Variants in ARID4B observed in about 807,000 individuals in gnomAD.
The protein encoded by ARID4B is AT-rich interactive domain-containing protein 4B.
Under a neutral mutation model 147.5 loss-of-function variants are expected in ARID4B, and 26 were observed. The ratio of observed to expected loss-of-function variants is 0.18; its 90% confidence interval spans 0.13 to 0.24. The LOEUF (loss-of-function observed/expected upper bound fraction) is 0.24, where lower values mean the gene tolerates loss of function less well. Ranked by LOEUF, ARID4B falls within the 10% of genes least tolerant of loss-of-function variation. The probability of loss-of-function intolerance (pLI) is 1.00; values close to 1 mark genes in which losing one functional copy is unlikely to be tolerated. For missense variants in ARID4B, 1,179 were observed against 1,511.5 expected (o/e 0.78, Z 3.65); for synonymous variants, 512 against 507.9 (o/e 1.01, Z -0.11).
intron 2 of ARID4B, among the ~76,000 whole-genome samples, chr1:235,319,735 A>G (rs1674692405): frequency 6.6e-6 from 1 of 152,078 alleles, no homozygotes; most frequent in South Asian, 2.1e-4. Flanking sequence ...GGCCAGGTGC[A>G]GTGGCTCACA....
intron 2 of ARID4B, among the ~76,000 whole-genome samples, chr1:235,311,594 C>G (rs957066350): frequency 6.6e-6 from 1 of 151,048 alleles, no homozygotes; most frequent in African/African-American, 2.4e-5. Context: ...GCCAACGTGG[C>G]AAAACCCTGT....
intron 17 of ARID4B, among the ~76,000 whole-genome samples, chr1:235,201,358 GTC>G (rs1665907114): frequency 6.6e-6 from 1 of 150,650 alleles, no homozygotes; most frequent in African/African-American, 2.4e-5. Context: ...TTCATACAGA[GTC>G]TCTGTTGCTC....
intron 19 of ARID4B, among the ~76,000 whole-genome samples, chr1:235,189,159 G>T (rs1256152338): frequency 6.6e-6 from 1 of 152,150 alleles, no homozygotes; most frequent in Non-Finnish European, 1.5e-5. Flanking sequence ...CCAGCACTGT[G>T]GGAGGCTGAG....
rs1473258362 is a variant in ARID4B at position 235,236,839 on chromosome 1, T to A, written c.586-2347A>T. The stretch of plus-strand genomic sequence containing the variant: ...ACAAAACGGTTTTATAAAAAATATA[T>A]ATATATATATATATATATATATATT... On this transcript the variant is annotated intron_variant, in intron 8 of 23. Coordinates refer to ENST00000264183, the MANE Select transcript of ARID4B (RefSeq NM_016374.6). 0.012 allele frequency among the ~76,000 whole-genome samples: 355 copies of A among 30,698 alleles called. 12 individuals are homozygous for A. In the East Asian group the frequency reaches 0.16, roughly 14 times the overall value. The allele number at this position is 30,698 out of a possible 152,430, so 20.1% of individuals were successfully genotyped here. A position where few individuals can be genotyped will look rare whatever the true frequency, so the allele number is the denominator to read the frequency against.
intron 19 of ARID4B, among the ~76,000 whole-genome samples, chr1:235,186,482 T>G (rs1268838178): frequency 1.3e-5 from 2 of 150,724 alleles, no homozygotes; most frequent in African/African-American, 2.4e-5. Context: ...AAGATCTCAG[T>G]TCACTACAAC....
At chr1:235,224,660 T>G (rs1667710713) in intron 12 of ARID4B, 43 bp downstream of exon 12, 1 of 1,285,530 alleles carries the variant, frequency 7.8e-7, no homozygotes, top group African/African-American at 1.5e-5. Context: ...ACTAATTATC[T>G]GTCCAAAACT....
intron 2 of ARID4B, 74 bp downstream of exon 2, chr1:235,326,840 C>A (rs1396018311): frequency 1.9e-6 from 3 of 1,581,090 alleles, no homozygotes; most frequent in Non-Finnish European, 2.6e-6. Flanking sequence ...AAGCCCCACA[C>A]GACGACCTCG....
chr1:235,293,233 T>C (rs1672455146), intron 2 of ARID4B, among the ~76,000 whole-genome samples: 3 of 152,214 alleles, frequency 2.0e-5, no homozygotes, highest in Non-Finnish European at 4.4e-5. Flanking sequence ...CAAAAAAATA[T>C]ATGCTACTAG....
chr1:235,283,360 T>G (rs1671783233), intron 2 of ARID4B, among the ~76,000 whole-genome samples: 1 of 152,224 alleles, frequency 6.6e-6, no homozygotes, highest in South Asian at 2.1e-4. Flanking sequence ...ACTTACCTAC[T>G]AATTCAGAAG....
At chr1:235,290,939 A>T (rs2103210177) in intron 2 of ARID4B, among the ~76,000 whole-genome samples, 1 of 152,308 alleles carries the variant, frequency 6.6e-6, no homozygotes, top group East Asian at 1.9e-4. Context: ...GTACAAACAA[A>T]TTTGTTTTAA....
At chr1:235,299,858 T>G (rs12731177) in intron 2 of ARID4B, among the ~76,000 whole-genome samples, 73,219 of 152,008 alleles carry the variant, frequency 0.48, 17,990 homozygotes, top group South Asian at 0.6. Flanking sequence ...AGCAACCAAT[T>G]TTTAAACGTA....
intron 20 of ARID4B, among the ~76,000 whole-genome samples, chr1:235,179,542 A>C (rs973782576): frequency 6.7e-6 from 1 of 149,078 alleles, no homozygotes; most frequent in East Asian, 1.9e-4. Context: ...AAAAAAAAAA[A>C]AAAAAAAAAA....
At chr1:235,230,876 T>C (rs1668175312) in intron 10 of ARID4B, among the ~76,000 whole-genome samples, 1 of 150,792 alleles carries the variant, frequency 6.6e-6, no homozygotes, top group Admixed American at 6.6e-5. Flanking sequence ...TGAGCCGAGA[T>C]TGCGCCACTC....
intron 15 of ARID4B, 83 bp from the exon 16 acceptor site, chr1:235,220,051 G>GT: frequency 1.1e-6 from 1 of 910,846 alleles, no homozygotes; most frequent in East Asian, 3.0e-5. Flanking sequence ...GCAACAGGAG[G>GT]TATCAACCAA....
intron 19 of ARID4B, among the ~76,000 whole-genome samples, chr1:235,193,068 T>C (rs2102955941): frequency 6.8e-6 from 1 of 147,904 alleles, no homozygotes; most frequent in South Asian, 2.1e-4. Flanking sequence ...CACTCCAGCC[T>C]GGGTGACAGA....
At chr1:235,223,346 T>C in intron 12 of ARID4B, 86 bp from the exon 13 acceptor site, 1 of 402,600 alleles carries the variant, frequency 2.5e-6, no homozygotes, top group Non-Finnish European at 4.1e-6. Context: ...CAAGTATTTA[T>C]AGTATTTTAT....
intron 16 of ARID4B, among the ~76,000 whole-genome samples, chr1:235,217,463 C>T (rs1271280695): frequency 7.4e-6 from 1 of 134,856 alleles, no homozygotes; most frequent in East Asian, 2.0e-4. Flanking sequence ...TACATACACA[C>T]ACATATGCAT....
chr1:235,260,543 GAAACTT>G, intron 3 of ARID4B, 93 bp downstream of exon 3: 1 of 824,438 alleles, frequency 1.2e-6, no homozygotes, highest in Non-Finnish European at 1.8e-6. Flanking sequence ...TTCACTCCTA[GAAACTT>G]ATTTTGCAGA....
At chr1:235,325,365 TAAAAA>T (rs34980496) in intron 2 of ARID4B, among the ~76,000 whole-genome samples, 3 of 142,122 alleles carry the variant, frequency 2.1e-5, no homozygotes, top group Non-Finnish European at 3.1e-5. Flanking sequence ...ACAGACTACT[TAAAAA>T]AAAAAAGGAA....
Sources: allele counts gnomAD v4.1 joint callset (sites outside exome capture counted in the v4.1 genomes callset), GRCh38; gene constraint gnomAD v4.1.1; transcripts MANE v1.5; gene names NCBI Gene and HGNC (gene_info 2026-07-23, HGNC 2026-07-21).